TRPM3: variants seen among roughly 807,000 people sequenced by gnomAD.
The protein encoded by TRPM3 is long transient receptor potential channel 3.
In TRPM3, 77 loss-of-function variants were observed where a neutral mutation model predicts 181.2. That is an observed-to-expected ratio of 0.42 (90% CI 0.35 to 0.51). The LOEUF (loss-of-function observed/expected upper bound fraction) is 0.51, where lower values mean the gene tolerates loss of function less well. TRPM3 is among the 20% of genes least tolerant of loss of function. TRPM3 has a pLI of 0.01. For missense variants in TRPM3, 1,759 were observed against 2,196.7 expected (o/e 0.80, Z 3.98); for synonymous variants, 745 against 796.4 (o/e 0.94, Z 1.09).
In TRPM3 at chr9:70,851,984, T is replaced by C. The variant is rs59557470; in HGVS notation, c.463-5393A>G. 5.1e-3 allele frequency among the ~76,000 whole-genome samples: 773 copies of C among 151,430 alleles called. 8 individuals carry two copies. The highest frequency in any genetic ancestry group is 0.018 in the African/African-American group (728 of 41,290). On this transcript the variant is annotated intron_variant, in intron 3 of 25. Coordinates refer to ENST00000677713, the MANE Select transcript of TRPM3 (RefSeq NM_001366145.2). ...AATACAAAAAATTCACTGGGTGCAGTGGCGCGCACCTGTAATCCTAGCTAC... is the reference window on the plus strand; with the variant it reads ...AATACAAAAAATTCACTGGGTGCAGCGGCGCGCACCTGTAATCCTAGCTAC...
At position 70,857,368 on chromosome 9, in the gene TRPM3, G is replaced by A. The variant is rs147107367; in HGVS notation, c.462+5540C>T. ...ATGGGGGCTGGTCAAGCCTGGGAAC[G>A]GAGGACTGAACACTACAAAGTACTC... On this transcript the variant is annotated intron_variant, in intron 3 of 25. Transcript: ENST00000677713. Among the ~76,000 whole-genome samples the A allele has an allele frequency of 8.6e-4, 131 of 152,152 alleles. 2 individuals carry two copies. The East Asian group carries it at 0.024, about 28-fold the overall frequency.
intron 1 of TRPM3, among the ~76,000 whole-genome samples, chr9:71,411,700 C>T (rs1456424801): frequency 6.6e-6 from 1 of 152,158 alleles, no homozygotes; most frequent in Non-Finnish European, 1.5e-5. Context: ...TCAATGCCAT[C>T]CCCATCAAGC....
chr9:71,229,638 A>G (rs537693614), intron 1 of TRPM3, among the ~76,000 whole-genome samples: 2 of 152,210 alleles, frequency 1.3e-5, no homozygotes, highest in African/African-American at 4.8e-5. Flanking sequence ...ATCTGAATAG[A>G]TATTTCTCAA....
chr9:71,415,655 G>A (rs921232360), intron 1 of TRPM3, among the ~76,000 whole-genome samples: 1 of 151,876 alleles, frequency 6.6e-6, no homozygotes, highest in Non-Finnish European at 1.5e-5. Flanking sequence ...CCTTAACACG[G>A]AAAACTGACT....
intron 19 of TRPM3, among the ~76,000 whole-genome samples, chr9:70,605,246 G>GCGCCT (rs1317556217): frequency 6.6e-6 from 1 of 152,114 alleles, no homozygotes; most frequent in Non-Finnish European, 1.5e-5. Context: ...GTGAGCCACT[G>GCGCCT]CGCCTCGCCT....
intron 9 of TRPM3, among the ~76,000 whole-genome samples, chr9:70,676,619 G>T (rs888340259): frequency 3.9e-5 from 6 of 152,148 alleles, no homozygotes; most frequent in African/African-American, 1.4e-4. Flanking sequence ...GGACAGAGGG[G>T]TTAGCGGACC....
At chr9:70,648,165 G>A (rs1298577923) in intron 9 of TRPM3, among the ~76,000 whole-genome samples, 2 of 152,156 alleles carry the variant, frequency 1.3e-5, no homozygotes, top group Non-Finnish European at 2.9e-5. Context: ...AACTACCAGT[G>A]TAATTTTTCA....
chr9:71,304,046 A>G (rs995197141), intron 1 of TRPM3, among the ~76,000 whole-genome samples: 2 of 152,106 alleles, frequency 1.3e-5, no homozygotes, highest in Non-Finnish European at 2.9e-5. Context: ...TATGTTAGTA[A>G]CTCACACACG....
chr9:71,158,959 C>A (rs1355134018), intron 1 of TRPM3, among the ~76,000 whole-genome samples: 3 of 151,510 alleles, frequency 2.0e-5, no homozygotes, highest in Non-Finnish European at 4.4e-5. Flanking sequence ...CTTTTAGAAC[C>A]CAGCTGGAAT....
At chr9:71,333,243 G>C (rs551454555) in intron 1 of TRPM3, among the ~76,000 whole-genome samples, 2 of 151,858 alleles carry the variant, frequency 1.3e-5, no homozygotes, top group Non-Finnish European at 2.9e-5. Flanking sequence ...CCACTTCTAG[G>C]GAACTGGTCA....
At chr9:70,604,955 T>C (rs1191886519) in intron 19 of TRPM3, among the ~76,000 whole-genome samples, 1 of 94,594 alleles carries the variant, frequency 1.1e-5, no homozygotes, top group African/African-American at 4.1e-5. Flanking sequence ...CTCAGCTGAA[T>C]GGATTCTTCT....
chr9:70,640,509 A>G, intron 10 of TRPM3, 51 bp downstream of exon 10: 1 of 1,480,232 alleles, frequency 6.8e-7, no homozygotes, highest in Non-Finnish European at 9.4e-7. Flanking sequence ...TTAAACAAAT[A>G]CCCTTGGCCA....
intron 1 of TRPM3, among the ~76,000 whole-genome samples, chr9:70,903,197 C>CT (rs1554765896): frequency 1.3e-5 from 2 of 152,180 alleles, no homozygotes; most frequent in Admixed American, 6.5e-5. Flanking sequence ...TATAATAGGT[C>CT]TTTTTTTCCA....
intron 1 of TRPM3, among the ~76,000 whole-genome samples, chr9:71,135,104 C>G (rs2074683797): frequency 6.6e-6 from 1 of 152,184 alleles, no homozygotes; most frequent in Non-Finnish European, 1.5e-5. Flanking sequence ...TTAGTGACTC[C>G]TCAAGCATTC....
intron 25 of TRPM3, among the ~76,000 whole-genome samples, chr9:70,548,697 G>C (rs965032907): frequency 2.6e-5 from 4 of 152,162 alleles, no homozygotes; most frequent in Admixed American, 2.6e-4. Flanking sequence ...TCGGAACAGT[G>C]GTTCCCAAAT....
chr9:71,359,668 T>A (rs1017522006), intron 1 of TRPM3, among the ~76,000 whole-genome samples: 2 of 152,200 alleles, frequency 1.3e-5, no homozygotes, highest in African/African-American at 4.8e-5. Context: ...TGGGTGCATG[T>A]TTCCATCTAG....
Position 70,756,958 on chromosome 9 carries a change from C to A in TRPM3, c.1272+4643G>T, listed in dbSNP as rs11999922. On this transcript the variant is annotated intron_variant, in intron 8 of 25. Transcript: ENST00000677713. Reference sequence around the variant, plus strand: ...AAGCAAGAGCAAACAAATTCAAAAGCTAGCAGAAGACAAGAAATAACTAAG... The same window carrying A: ...AAGCAAGAGCAAACAAATTCAAAAGATAGCAGAAGACAAGAAATAACTAAG... 2.0e-5 allele frequency among the ~76,000 whole-genome samples: 3 copies of A among 152,062 alleles called. No individual in the cohort carries two copies. In the South Asian group the frequency reaches 6.2e-4, roughly 32 times the overall value.
chr9:71,354,244 G>A (rs1247401720), intron 1 of TRPM3, among the ~76,000 whole-genome samples: 2 of 152,164 alleles, frequency 1.3e-5, no homozygotes, highest in Non-Finnish European at 2.9e-5. Context: ...AGGCCACAGA[G>A]AATGTCCAGC....
intron 1 of TRPM3, among the ~76,000 whole-genome samples, chr9:70,926,812 A>G (rs2096725802): frequency 6.6e-6 from 1 of 152,188 alleles, no homozygotes; most frequent in African/African-American, 2.4e-5. Context: ...AGGCATTTTA[A>G]AAACTAAATT....
Sources: allele counts gnomAD v4.1 joint callset (sites outside exome capture counted in the v4.1 genomes callset), GRCh38; gene constraint gnomAD v4.1.1; transcripts MANE v1.5; gene names NCBI Gene and HGNC (gene_info 2026-07-23, HGNC 2026-07-21).